The following PCDHGA6 variants were observed in gnomAD, a reference collection of about 807,000 sequenced individuals.
The protein encoded by PCDHGA6 is protocadherin gamma subfamily A, 6.
Under a neutral mutation model 60.6 loss-of-function variants are expected in PCDHGA6, and 41 were observed. That is an observed-to-expected ratio of 0.68 (90% CI 0.53 to 0.88). The LOEUF (loss-of-function observed/expected upper bound fraction) is 0.88. PCDHGA6 is among the 40% of genes least tolerant of loss of function. PCDHGA6 has a pLI of 0.00. For synonymous variants in PCDHGA6, 594 were observed against 524.4 expected (o/e 1.13, Z -1.81); for missense variants, 1,312 against 1,203.0 (o/e 1.09, Z -1.34).
chr5:141,485,245 G>C lies in PCDHGA6; in HGVS notation c.2425-9562G>C. 1 of 1,614,188 alleles carries C rather than the reference G, an allele frequency of 6.2e-7. No individual in the cohort carries two copies. Among genetic ancestry groups the C allele is most frequent in the Non-Finnish European group, 8.5e-7 (1 of 1,180,008 alleles). On this transcript the variant is annotated intron_variant, in intron 1 of 3. Coordinates refer to ENST00000517434, the MANE Select transcript of PCDHGA6 (RefSeq NM_018919.3). This position sits in a 1 kb window ranked among gnomAD's most constrained non-coding sequence, Gnocchi z 5.7. The stretch of plus-strand genomic sequence containing the variant: ...CCCTTTTGTTCCTCTTTTACCACCT[G>C]GGTTACGTTTGTGGGCAGATCCGCT...
intron 1 of PCDHGA6, chr5:141,409,037 T>G (rs770619339): frequency 1.2e-6 from 2 of 1,613,992 alleles, no homozygotes; most frequent in South Asian, 2.2e-5. Context: ...TGAGATAAAC[T>G]ACTACTTCCG....
intron 1 of PCDHGA6, chr5:141,475,934 GC>G (rs879308605): frequency 6.0e-6 from 4 of 665,236 alleles, no homozygotes; most frequent in Non-Finnish European, 1.0e-5. Context: ...TCGGGCCCCT[GC>G]CCGTCCCCTT....
chr5:141,482,000 G>A (rs1421859839), intron 1 of PCDHGA6, among the ~76,000 whole-genome samples: 8 of 150,854 alleles, frequency 5.3e-5, no homozygotes, highest in East Asian at 1.9e-4. Flanking sequence ...CAGGAGAATC[G>A]CTTTATCTCA....
Position 141,492,023 on chromosome 5 carries a change from C to G in PCDHGA6, c.2425-2784C>G, listed in dbSNP as rs536734764. 1.8e-4 allele frequency: 102 copies of G among 564,804 alleles called. 3 individuals carry two copies. In the South Asian group the frequency reaches 2.8e-3, roughly 15 times the overall value. The allele number at this position is 564,804 out of a possible 1,614,324, so 35.0% of individuals were successfully genotyped here. A position where few individuals can be genotyped will look rare whatever the true frequency, so the allele number is the denominator to read the frequency against. On this transcript the variant is annotated intron_variant, in intron 1 of 3. Coordinates refer to ENST00000517434, the MANE Select transcript of PCDHGA6 (RefSeq NM_018919.3). Reference sequence around the variant, plus strand: ...CGATTTCCGCGGGTGTCGGGGGTCCCGGGAGGAGGCAGTCACAGATCCACC... The same window carrying G: ...CGATTTCCGCGGGTGTCGGGGGTCCGGGGAGGAGGCAGTCACAGATCCACC...
chr5:141,495,873 C>G (rs2099764359), intron 2 of PCDHGA6, among the ~76,000 whole-genome samples: 1 of 152,146 alleles, frequency 6.6e-6, no homozygotes, highest in Admixed American at 6.6e-5. Flanking sequence ...CTGCTTTCCT[C>G]TCTGTTCTTT....
At chr5:141,460,435 A>G (rs1002182353) in intron 1 of PCDHGA6, among the ~76,000 whole-genome samples, 1 of 152,144 alleles carries the variant, frequency 6.6e-6, no homozygotes, top group Admixed American at 6.6e-5. Context: ...GTATGGTGTG[A>G]GGTAACAATG....
At position 141,399,531 on chromosome 5, in the gene PCDHGA6, G is replaced by T. The variant is rs771221717; in HGVS notation, c.2424+23024G>T. 24 of 1,614,052 alleles carry T rather than the reference G, an allele frequency of 1.5e-5. No homozygotes were observed. The South Asian group carries it at 2.0e-4, about 13-fold the overall frequency. ...ACAACCCTCCTGGGGCCTCCATCGC[G>T]CAAGTCTGCGCCTCGGACCTGGACT... On this transcript the variant is annotated intron_variant, in intron 1 of 3. Coordinates refer to ENST00000517434, the MANE Select transcript of PCDHGA6 (RefSeq NM_018919.3).
intron 1 of PCDHGA6, chr5:141,395,264 A>T: frequency 1.3e-6 from 2 of 1,549,832 alleles, no homozygotes; most frequent in Non-Finnish European, 1.7e-6. Flanking sequence ...GCTTGCTTTT[A>T]ATTTCCAGAT....
chr5:141,511,049 G>A lies in PCDHGA6; in HGVS notation c.2675G>A (p.Arg892His), dbSNP rs61749029. 408 of 1,614,098 alleles carry A rather than the reference G, an allele frequency of 2.5e-4. No individual in the cohort carries two copies. Among genetic ancestry groups the A allele is most frequent in the South Asian group, 7.2e-4 (66 of 91,094 alleles). Residue 892 changes from arginine (R) to histidine (H), a missense_variant, in exon 4 of 4, where the codon CGC becomes CAC. Transcript: ENST00000517434. ...QFTLQHVPDY[R>H]QNVYIPGSNA... ...ACCCTGCAGCACGTGCCCGACTACC[G>A]CCAGAATGTCTACATCCCAGGCAGC...
chr5:141,373,960 G>A lies in PCDHGA6; in HGVS notation c.-124G>A. Reference sequence around the variant, plus strand: ...GAAAGCTGTGCAGAAATTCTGACCTGAAACGCTTCGCATCCGGTCTCTGCT... The same window carrying A: ...GAAAGCTGTGCAGAAATTCTGACCTAAAACGCTTCGCATCCGGTCTCTGCT... On this transcript the variant is annotated 5_prime_UTR_variant, in exon 1 of 4. Coordinates refer to ENST00000517434, the MANE Select transcript of PCDHGA6 (RefSeq NM_018919.3). 1.1e-6 allele frequency: 1 copy of A among 939,502 alleles called. No individual in the cohort carries two copies. The highest frequency in any genetic ancestry group is 1.7e-5 in the African/African-American group (1 of 59,578). The allele number at this position is 939,502 out of a possible 1,614,324, so 58.2% of individuals were successfully genotyped here. A position where few individuals can be genotyped will look rare whatever the true frequency, so the allele number is the denominator to read the frequency against.
rs765563941 is a variant in PCDHGA6 at position 141,383,705 on chromosome 5, T to G, written c.2424+7198T>G. On this transcript the variant is annotated intron_variant, in intron 1 of 3. Transcript: ENST00000517434. ...CTGCTCACGGTACATGCTATCGACC[T>G]GGACGAGGGAGTCAATGGGGAAGTG... 3.1e-6 allele frequency: 5 copies of G among 1,613,902 alleles called. No homozygotes were observed. Among genetic ancestry groups the G allele is most frequent in the Non-Finnish European group, 4.2e-6 (5 of 1,179,894 alleles).
chr5:141,486,030 C>A lies in PCDHGA6; in HGVS notation c.2425-8777C>A. The A allele has an allele frequency of 6.2e-7, 1 of 1,614,164 alleles. No homozygotes were observed. The highest frequency in any genetic ancestry group is 8.5e-7 in the Non-Finnish European group (1 of 1,180,012). ...ACCTTTTATTTCAGTGGTCATACCC[C>A]TGATCGTGTAAGAAACCTCTTTAGC... On this transcript the variant is annotated intron_variant, in intron 1 of 3. Coordinates refer to ENST00000517434, the MANE Select transcript of PCDHGA6 (RefSeq NM_018919.3). The surrounding 1 kb of genome is among the most constrained non-coding windows in gnomAD (Gnocchi z 5.0).
chr5:141,486,909 C>A lies in PCDHGA6; in HGVS notation c.2425-7898C>A, dbSNP rs759702188. On this transcript the variant is annotated intron_variant, in intron 1 of 3. Coordinates refer to ENST00000517434, the MANE Select transcript of PCDHGA6 (RefSeq NM_018919.3). The surrounding 1 kb of genome is among the most constrained non-coding windows in gnomAD (Gnocchi z 5.0). ...CGGCCTGGTTCCTTATGTCCCCAAGCACTGCCTCCATCAGTTGGTGCTGGC... is the reference window on the plus strand; with the variant it reads ...CGGCCTGGTTCCTTATGTCCCCAAGAACTGCCTCCATCAGTTGGTGCTGGC... 3.1e-6 allele frequency: 5 copies of A among 1,614,262 alleles called. No individual in the cohort carries two copies. The East Asian group carries it at 1.1e-4, about 36-fold the overall frequency.
intron 1 of PCDHGA6, among the ~76,000 whole-genome samples, chr5:141,456,887 C>T (rs112521083): frequency 0.042 from 6,384 of 152,090 alleles, 167 homozygotes; most frequent in Middle Eastern, 0.088. Flanking sequence ...CGCTTGAACC[C>T]GGGAGGCAGA....
At chr5:141,506,829 T>C (rs1449718553) in intron 3 of PCDHGA6, among the ~76,000 whole-genome samples, 1 of 152,182 alleles carries the variant, frequency 6.6e-6, no homozygotes, top group African/African-American at 2.4e-5. Context: ...CATGAACTGA[T>C]AGCCCTGCCC....
intron 1 of PCDHGA6, among the ~76,000 whole-genome samples, chr5:141,459,664 T>A (rs766213146): frequency 1.3e-5 from 2 of 152,262 alleles, no homozygotes; most frequent in Non-Finnish European, 2.9e-5. Flanking sequence ...TCACTTTACA[T>A]TTTCATGAGC....
At position 141,431,896 on chromosome 5, in the gene PCDHGA6, C is replaced by A. The variant is rs1292629023; in HGVS notation, c.2424+55389C>A. The A allele has an allele frequency of 6.2e-7, 1 of 1,613,940 alleles. No homozygotes were observed. The highest frequency in any genetic ancestry group is 1.3e-5 in the African/African-American group (1 of 74,924). On this transcript the variant is annotated intron_variant, in intron 1 of 3. Coordinates refer to ENST00000517434, the MANE Select transcript of PCDHGA6 (RefSeq NM_018919.3). This position sits in a 1 kb window ranked among gnomAD's most constrained non-coding sequence, Gnocchi z 4.8. Reference sequence around the variant, plus strand: ...TAAATGACCAAGATTCTGAGGAAAACGGACAGGTGATCTGTTTCATCCAAG... The same window carrying A: ...TAAATGACCAAGATTCTGAGGAAAAAGGACAGGTGATCTGTTTCATCCAAG...
chr5:141,481,229 A>G (rs989963485), intron 1 of PCDHGA6, among the ~76,000 whole-genome samples: 5 of 152,212 alleles, frequency 3.3e-5, no homozygotes, highest in African/African-American at 4.8e-5. Context: ...TCCCAGCCTT[A>G]AAGTATTACA....
At chr5:141,403,188 C>G (rs763950254) in intron 1 of PCDHGA6, 6 of 1,613,968 alleles carry the variant, frequency 3.7e-6, no homozygotes, top group Non-Finnish European at 4.2e-6. Context: ...TCTCTGAACC[C>G]GCGCAGCGGC....
Sources: allele counts gnomAD v4.1 joint callset (sites outside exome capture counted in the v4.1 genomes callset), GRCh38; gene constraint gnomAD v4.1.1; non-coding constraint Gnocchi (gnomAD v3.1); transcripts MANE v1.5; gene names NCBI Gene and HGNC (gene_info 2026-07-23, HGNC 2026-07-21).